Variants in TWF1 observed in about 807,000 individuals in gnomAD.
TWF1 encodes the protein twinfilin-1.
TWF1 carries 14 observed loss-of-function variants against 47.9 expected under a neutral mutation model. The ratio of observed to expected loss-of-function variants is 0.29; its 90% CI spans 0.19 to 0.46. The LOEUF (loss-of-function observed/expected upper bound fraction) is 0.46, where lower values mean the gene tolerates loss of function less well. Ranked by LOEUF, TWF1 falls within the 20% of genes least tolerant of loss-of-function variation. The pLI is 1.00. For synonymous variants in TWF1, 96 were observed against 139.2 expected, an observed-to-expected ratio of 0.69 and a Z score of 2.18; for missense variants, 281 against 409.3, an observed-to-expected ratio of 0.69 and a Z score of 2.70.
At chr12:43,805,017 T>C (rs922426357) in intron 1 of TWF1, among the ~76,000 whole-genome samples, 6 of 152,256 alleles carry the variant, frequency 3.9e-5, no homozygotes, top group Non-Finnish European at 7.3e-5. Flanking sequence ...ATATATCAAA[T>C]ATCCTAACTT....
intron 3 of TWF1, 89 bp downstream of exon 3, chr12:43,802,197 T>C: frequency 2.4e-6 from 2 of 829,644 alleles, no homozygotes; most frequent in Non-Finnish European, 3.6e-6. Context: ...GGGAAATAAT[T>C]ATTGTTTTTT....
At chr12:43,797,497 G>T in intron 6 of TWF1, 45 bp from the exon 7 acceptor site, 1 of 1,466,702 alleles carries the variant, frequency 6.8e-7, no homozygotes, top group East Asian at 2.4e-5. Flanking sequence ...CAGATATAAG[G>T]AAATTAAGTT....
chr12:43,798,601 AAAAC>A, intron 5 of TWF1: 1 of 1,520,538 alleles, frequency 6.6e-7, no homozygotes, highest in Non-Finnish European at 8.8e-7. Context: ...TGCAAGAAAT[AAAAC>A]AAACTATCAA....
intron 5 of TWF1, 64 bp downstream of exon 5, chr12:43,799,334 T>C (rs939056792): frequency 3.8e-6 from 4 of 1,048,722 alleles, no homozygotes; most frequent in Admixed American, 4.5e-5. Context: ...CCACATCTAT[T>C]AATTAAAAAT....
intron 2 of TWF1, 106 bp from the exon 3 acceptor site, chr12:43,802,570 T>C (rs1273853334): frequency 2.4e-6 from 2 of 830,802 alleles, no homozygotes; most frequent in Admixed American, 5.6e-5. Flanking sequence ...CAGTTACTAT[T>C]ATTCACATCA....
chr12:43,795,286 C>A lies in TWF1; in HGVS notation c.*299G>T, dbSNP rs115917962. On this transcript the variant is annotated 3_prime_UTR_variant, in exon 9 of 9. Transcript: ENST00000395510. ...TTTACCCTTTGAGACATCAGACTTT[C>A]TAGAACTGGCCCAACTGTATAAAAT... 1,504 of 242,208 alleles carry A rather than the reference C, an allele frequency of 6.2e-3. 26 individuals are homozygous for A. The highest frequency in any genetic ancestry group is 0.031 in the African/African-American group (1,360 of 44,528). 15.0% of individuals were successfully genotyped at this position (242,208 alleles called of 1,614,324 possible).
chr12:43,798,935 C>T (rs1942608413), intron 5 of TWF1, among the ~76,000 whole-genome samples: 1 of 151,972 alleles, frequency 6.6e-6, no homozygotes, highest in Non-Finnish European at 1.5e-5. Context: ...CTCTAATATG[C>T]TCAACAGGTA....
Position 43,794,882 on chromosome 12 carries a change from A to C in TWF1, c.*703T>G, listed in dbSNP as rs1274000165. The C allele has an allele frequency of 6.6e-6, 1 of 152,174 alleles. No individual in the cohort carries two copies. Among genetic ancestry groups the C allele is most frequent in the African/African-American group, 2.4e-5 (1 of 41,440 alleles). The allele number at this position is 152,174 out of a possible 1,614,324, so 9.4% of individuals were successfully genotyped here. Reference sequence around the variant, plus strand: ...TTAATTTAAATTTCAATCTGAACATAAATGTTTGGCCTCACAGAGCATTAG... The same window carrying C: ...TTAATTTAAATTTCAATCTGAACATCAATGTTTGGCCTCACAGAGCATTAG... On this transcript the variant is annotated 3_prime_UTR_variant, in exon 9 of 9. Coordinates refer to ENST00000395510, the MANE Select transcript of TWF1 (RefSeq NM_002822.5).
At chr12:43,795,934 T>A (rs1194091753) in intron 8 of TWF1, among the ~76,000 whole-genome samples, 179 bp from the exon 9 acceptor site, 1 of 152,234 alleles carries the variant, frequency 6.6e-6, no homozygotes, top group Non-Finnish European at 1.5e-5. Context: ...TACTTGAATA[T>A]ATAATCAGCT....
intron 8 of TWF1, 142 bp from the exon 9 acceptor site, chr12:43,795,897 T>C (rs1360843325): frequency 4.1e-6 from 3 of 723,884 alleles, no homozygotes; most frequent in Non-Finnish European, 6.6e-6. Flanking sequence ...TTCACTTTCT[T>C]CTTTTGGGGG....
rs1384896326 is a variant in TWF1, at chr12:43,802,403, G to C, written c.165C>G (p.Ser55=). The C allele has an allele frequency of 5.0e-6, 8 of 1,606,346 alleles. No individual in the cohort carries two copies. The highest frequency in any genetic ancestry group is 1.7e-5 in the Admixed American group (1 of 58,166). Residue 55 remains serine (S), a synonymous_variant, in exon 3 of 9, where the codon TCC becomes TCG. Coordinates refer to ENST00000395510, the MANE Select transcript of TWF1 (RefSeq NM_002822.5). ...TGTCCTCCAACAGGGGTAAAACAAA[G>C]GAATCATAATCCTTATCCCAGGAAT... ...PSDSWDKDYD[S]FVLPLLEDKQ...
intron 2 of TWF1, among the ~76,000 whole-genome samples, chr12:43,803,779 AAAC>A (rs1942705370): frequency 1.3e-5 from 2 of 152,156 alleles, no homozygotes; most frequent in African/African-American, 4.8e-5. Flanking sequence ...AGAAAATAGA[AAAC>A]AAATTAGATT....
intron 1 of TWF1, 42 bp downstream of exon 1, chr12:43,806,179 C>T (rs1446826906): frequency 6.5e-7 from 1 of 1,538,346 alleles, no homozygotes; most frequent in Non-Finnish European, 8.7e-7. Context: ...TCCCGGCTCT[C>T]CCGGAAGCCC....
chr12:43,802,553 C>T, intron 2 of TWF1, 89 bp from the exon 3 acceptor site: 3 of 945,762 alleles, frequency 3.2e-6, no homozygotes. Flanking sequence ...AATATATAGT[C>T]ATTTCCCAGT....
At position 43,799,438 on chromosome 12, in the gene TWF1, G is replaced by A. The variant is rs1389253412; in HGVS notation, c.443C>T (p.Thr148Ile). Reference protein sequence around the residue: ...LLSQSSPAPLTAAEEELRQIK... With the variant: ...LLSQSSPAPLIAAEEELRQIK... ...CTGTCGTAGTTCTTCCTCAGCTGCAGTCAGTGGGGCAGGGGAAGATTGTGA... is the reference window on the plus strand; with the variant it reads ...CTGTCGTAGTTCTTCCTCAGCTGCAATCAGTGGGGCAGGGGAAGATTGTGA... Residue 148 changes from threonine to isoleucine, a missense_variant, in exon 5 of 9, where the codon ACT becomes ATT. By Grantham distance (89) the Thr-to-Ile change is moderately conservative. Transcript: ENST00000395510. The A allele has an allele frequency of 6.2e-7, 1 of 1,610,404 alleles. No homozygotes were observed. The highest frequency in any genetic ancestry group is 1.7e-5 in the Admixed American group (1 of 59,868).
chr12:43,803,041 T>C (rs1038874088), intron 2 of TWF1, among the ~76,000 whole-genome samples: 2 of 152,302 alleles, frequency 1.3e-5, no homozygotes. Context: ...TATACATAAA[T>C]ACAAAGGTGT....
rs1942572036 is a variant in TWF1 at position 43,797,337 on chromosome 12, T to C, written c.725A>G (p.Lys242Arg). 2 of 1,603,610 alleles carry C rather than the reference T, an allele frequency of 1.2e-6. No homozygotes were observed. Among genetic ancestry groups the C allele is most frequent in the Non-Finnish European group, 1.7e-6 (2 of 1,176,104 alleles). ...TAAATAGTCTCCTTCATGGGAATGT[T>C]TATACAGAAAGAAATGGTAACGAGC... ...DSARYHFFLY[K>R]HSHEGDYLES... Residue 242 changes from lysine (K) to arginine (R), a missense_variant, in exon 7 of 9, where the codon AAA (lysine) becomes AGA (arginine). By Grantham distance (26) the Lys-to-Arg change is conservative. Transcript: ENST00000395510.
rs1013012068 is a variant in TWF1, at chr12:43,796,280, T to C, written c.883-525A>G. 2.0e-5 allele frequency among the ~76,000 whole-genome samples: 3 copies of C among 152,200 alleles called. No individual in the cohort carries two copies. The South Asian group carries it at 6.2e-4, about 31-fold the overall frequency. On this transcript the variant is annotated intron_variant, in intron 8 of 8. Transcript: ENST00000395510. Reference sequence around the variant, plus strand: ...GTAGAAAGTCAGCTGATCCCTGCTATAGAAGGTGCTACCCATGATAAAGTG... The same window carrying C: ...GTAGAAAGTCAGCTGATCCCTGCTACAGAAGGTGCTACCCATGATAAAGTG...
Position 43,793,864 on chromosome 12 carries a change from C to T in TWF1, c.*1721G>A, listed in dbSNP as rs943295401. On this transcript the variant is annotated 3_prime_UTR_variant, in exon 9 of 9. Coordinates refer to ENST00000395510, the MANE Select transcript of TWF1 (RefSeq NM_002822.5). ...GTATGATACTGCCAACTAAAACATA[C>T]TGTAAACGATGAGTTATACTCTATA... 1.8e-4 allele frequency: 28 copies of T among 152,600 alleles called. No individual in the cohort carries two copies. Among genetic ancestry groups the T allele is most frequent in the Non-Finnish European group, 3.5e-4 (24 of 68,026 alleles). 9.5% of individuals were successfully genotyped at this position (152,600 alleles called of 1,614,324 possible).
Sources: gnomAD v4.1 joint callset for allele counts (sites outside exome capture counted in the v4.1 genomes callset) on GRCh38, gnomAD v4.1.1 for gene constraint, MANE v1.5 for transcripts, NCBI Gene and HGNC (gene_info 2026-07-23, HGNC 2026-07-21) for gene names.